SLC9A2: variants seen among roughly 807,000 people sequenced by gnomAD.
The protein encoded by SLC9A2 is sodium/hydrogen exchanger 2.
A neutral mutation model predicts 71.7 loss-of-function variants in SLC9A2; 42 were observed. The ratio of observed to expected loss-of-function variants is 0.59; its 90% CI spans 0.46 to 0.76. SLC9A2 has a LOEUF of 0.76. Ranked by LOEUF, SLC9A2 falls within the 30% of genes least tolerant of loss-of-function variation. The pLI, the probability that SLC9A2 is intolerant of heterozygous loss-of-function variation, is 0.00. For synonymous variants in SLC9A2, 396 were observed against 392.5 expected (o/e 1.01, Z -0.10); for missense variants, 829 against 1,017.4 (o/e 0.81, Z 2.52).
chr2:102,655,998 A>T (rs1396995431), intron 1 of SLC9A2, among the ~76,000 whole-genome samples: 1 of 152,222 alleles, frequency 6.6e-6, no homozygotes. Context: ...CACCCCTTAA[A>T]GGCTCCATCC....
At chr2:102,663,570 C>T (rs996836164) in intron 2 of SLC9A2, among the ~76,000 whole-genome samples, 1 of 152,162 alleles carries the variant, frequency 6.6e-6, no homozygotes, top group Non-Finnish European at 1.5e-5. Flanking sequence ...CTTCACTCTC[C>T]CATGATTGAA....
intron 9 of SLC9A2, among the ~76,000 whole-genome samples, chr2:102,702,712 G>T (rs989221037): frequency 1.3e-5 from 2 of 152,182 alleles, no homozygotes; most frequent in Non-Finnish European, 2.9e-5. Context: ...TCCCCTGGGA[G>T]TTCTGCTGCT....
intron 1 of SLC9A2, among the ~76,000 whole-genome samples, chr2:102,641,855 A>G (rs538385143): frequency 1.6e-4 from 22 of 134,456 alleles, no homozygotes; most frequent in Non-Finnish European, 2.9e-4. Flanking sequence ...CAATGAGAAT[A>G]CTTGGACACA....
chr2:102,636,449 A>G (rs943525110), intron 1 of SLC9A2, among the ~76,000 whole-genome samples: 19 of 152,212 alleles, frequency 1.2e-4, no homozygotes, highest in Non-Finnish European at 2.4e-4. Context: ...TTCCTTCACT[A>G]TACTTTGATC....
intron 8 of SLC9A2, 42 bp downstream of exon 8, chr2:102,701,273 G>A (rs781717580): frequency 1.5e-6 from 2 of 1,360,736 alleles, no homozygotes; most frequent in South Asian, 2.7e-5. Context: ...TTGTTAAATA[G>A]GCATTGATAG....
chr2:102,620,053 C>A lies in SLC9A2; in HGVS notation c.205C>A (p.Pro69Thr). The A allele has an allele frequency of 6.2e-7, 1 of 1,614,064 alleles. No homozygotes were observed. ...GTTLFEESRLPVFTLDYPHVQ... is the reference protein window; with the variant it reads ...GTTLFEESRLTVFTLDYPHVQ... Reference sequence around the variant, plus strand: ...GACGCTGTTCGAGGAGAGCCGGCTGCCTGTGTTTACGCTGGATTACCCCCA... The same window carrying A: ...GACGCTGTTCGAGGAGAGCCGGCTGACTGTGTTTACGCTGGATTACCCCCA... The change falls in exon 1 of 12, where the codon CCT (proline) becomes ACT (threonine). Residue 69 changes from proline to threonine, a missense_variant. Physicochemically the swap from Pro to Thr is conservative, Grantham distance 38. This residue lies in a region of SLC9A2 where 106 missense variants were observed against 93.5 expected (regional missense o/e 1.13). Transcript: ENST00000233969.
rs74719703 is a variant in SLC9A2 at position 102,636,645 on chromosome 2, T to C, written c.289+16508T>C. ...CAAAGCCAAAATTGGCATAAATCGTTTACTAACACATGAGTTGAGAGAACG... is the reference window on the plus strand; with the variant it reads ...CAAAGCCAAAATTGGCATAAATCGTCTACTAACACATGAGTTGAGAGAACG... On this transcript the variant is annotated intron_variant, in intron 1 of 11. Coordinates refer to ENST00000233969, the MANE Select transcript of SLC9A2 (RefSeq NM_003048.6). 2.6e-4 allele frequency among the ~76,000 whole-genome samples: 40 copies of C among 152,326 alleles called. 1 individual carries two copies. The East Asian group carries it at 7.1e-3, about 27-fold the overall frequency.
chr2:102,698,908 G>T (rs951805848), intron 7 of SLC9A2, among the ~76,000 whole-genome samples: 3 of 152,100 alleles, frequency 2.0e-5, no homozygotes, highest in African/African-American at 7.2e-5. Flanking sequence ...CAGAGGGTGT[G>T]GATACAGGGA....
chr2:102,647,468 T>A (rs1319655791), intron 1 of SLC9A2, among the ~76,000 whole-genome samples: 1 of 152,058 alleles, frequency 6.6e-6, no homozygotes, highest in African/African-American at 2.4e-5. Context: ...ATTCAAAAGC[T>A]AGCAGAAGAC....
At chr2:102,704,508 T>C in intron 9 of SLC9A2, 36 bp from the exon 10 acceptor site, 3 of 1,597,556 alleles carry the variant, frequency 1.9e-6, no homozygotes, top group Non-Finnish European at 2.6e-6. Flanking sequence ...GTTTTTGTTT[T>C]TGTTTTTTAA....
chr2:102,703,090 A>T (rs1451916789), intron 9 of SLC9A2, among the ~76,000 whole-genome samples: 1 of 152,172 alleles, frequency 6.6e-6, no homozygotes, highest in African/African-American at 2.4e-5. Context: ...GAAGTGGCAC[A>T]CGGGCCACAC....
chr2:102,683,420 G>A lies in SLC9A2; in HGVS notation c.1164G>A (p.Glu388=), dbSNP rs771212860. Residue 388 remains glutamate (E), a synonymous_variant, in exon 4 of 12, where the codon GAG becomes GAA. Coordinates refer to ENST00000233969, the MANE Select transcript of SLC9A2 (RefSeq NM_003048.6). ...MGVSTVGKNH[E]WNWAFVCFTL... ...TGTCTACCGTGGGCAAGAACCACGA[G>A]TGGAACTGGGCCTTCGTCTGCTTCA... is the stretch of plus-strand genomic sequence containing the variant. 53 of 1,614,114 alleles carry A rather than the reference G, an allele frequency of 3.3e-5. No individual in the cohort carries two copies. In the Admixed American group the frequency reaches 5.5e-4, roughly 17 times the overall value.
chr2:102,621,625 T>A (rs1480486616), intron 1 of SLC9A2, among the ~76,000 whole-genome samples: 2 of 152,218 alleles, frequency 1.3e-5, no homozygotes, highest in Non-Finnish European at 2.9e-5. Flanking sequence ...CCCTGTGAGA[T>A]GAGGCAGATT....
rs1289360528 is a variant in SLC9A2, at chr2:102,657,925, C to G, written c.651C>G (p.Val217=). 6.2e-7 allele frequency: 1 copy of G among 1,614,220 alleles called. No individual in the cohort carries two copies. ...TCTTTGGCAGCTTAATCTCAGCTGT[C>G]GATCCTGTGGCTGTGCTTGCTGTCT... ...NLLFGSLISA[V]DPVAVLAVFE... The change falls in exon 2 of 12, where the codon GTC becomes GTG. Residue 217 remains valine (V), a synonymous_variant. Transcript: ENST00000233969.
chr2:102,680,738 G>C (rs1677437764), intron 3 of SLC9A2, among the ~76,000 whole-genome samples: 1 of 152,186 alleles, frequency 6.6e-6, no homozygotes, highest in Admixed American at 6.5e-5. Flanking sequence ...TGGCCAAAGA[G>C]ACTTTGTGGA....
chr2:102,630,300 G>A (rs919084682), intron 1 of SLC9A2, among the ~76,000 whole-genome samples: 56 of 151,860 alleles, frequency 3.7e-4, no homozygotes, highest in South Asian at 2.1e-4. Flanking sequence ...GTCTTGTATG[G>A]AAACATCTTT....
intron 5 of SLC9A2, among the ~76,000 whole-genome samples, chr2:102,689,355 A>C (rs550862739): frequency 1.3e-5 from 2 of 152,316 alleles, no homozygotes; most frequent in East Asian, 1.9e-4. Flanking sequence ...CAGGTAAAAA[A>C]GTCATCAAGG....
intron 1 of SLC9A2, among the ~76,000 whole-genome samples, chr2:102,630,402 C>T (rs1209783647): frequency 6.6e-6 from 1 of 151,664 alleles, no homozygotes; most frequent in East Asian, 1.9e-4. Context: ...ACTTTTTGTC[C>T]TCTTTTGTTG....
In SLC9A2 at chr2:102,701,140, G is replaced by T; in HGVS notation, c.1657G>T (p.Val553Leu). 1 of 1,611,176 alleles carries T rather than the reference G, an allele frequency of 6.2e-7. No individual in the cohort carries two copies. Among genetic ancestry groups the T allele is most frequent in the Non-Finnish European group, 8.5e-7 (1 of 1,178,496 alleles). Residue 553 changes from valine (V) to leucine (L), a missense_variant, in exon 8 of 12, where the codon GTA becomes TTA. Val to Leu is a conservative substitution (Grantham distance 32). Transcript: ENST00000233969. ...GGAAAACCAACCAAAGTCAAGTATT[G>T]TATCTTTATATAAAAAGCTTGAAAT... ...IRENQPKSSI[V>L]SLYKKLEIKH...
Sources: allele counts gnomAD v4.1 joint callset (sites outside exome capture counted in the v4.1 genomes callset), GRCh38; gene constraint gnomAD v4.1.1; regional missense constraint gnomAD v4.1.1; transcripts MANE v1.5; gene names NCBI Gene and HGNC (gene_info 2026-07-23, HGNC 2026-07-21).